The following CACNG2 variants were observed in gnomAD, a reference collection of about 807,000 sequenced individuals.
The protein encoded by CACNG2 is voltage-dependent calcium channel gamma-2 subunit.
Under a neutral mutation model 25.9 loss-of-function variants are expected in CACNG2, and 3 were observed. That is an observed-to-expected ratio of 0.12 (90% CI 0.05 to 0.30). The LOEUF (loss-of-function observed/expected upper bound fraction) is 0.30. Among genes scored for constraint, CACNG2 ranks in the 10% least tolerant of loss-of-function variants. CACNG2 has a pLI of 1.00. For missense variants in CACNG2, 341 were observed against 432.5 expected, an observed-to-expected ratio of 0.79 and a Z score of 1.88; for synonymous variants, 167 against 173.3, an observed-to-expected ratio of 0.96 and a Z score of 0.29.
chr22:36,639,136 G>A (rs117676432), intron 1 of CACNG2, among the ~76,000 whole-genome samples: 14 of 152,280 alleles, frequency 9.2e-5, no homozygotes, highest in East Asian at 1.9e-4. Flanking sequence ...GTGTGACCTC[G>A]GGAAAGTCAC....
At position 36,676,803 on chromosome 22, in the gene CACNG2, G is replaced by A. The variant is rs547635941; in HGVS notation, c.211+25563C>T. On this transcript the variant is annotated intron_variant, in intron 1 of 3. Coordinates refer to ENST00000300105, the MANE Select transcript of CACNG2 (RefSeq NM_006078.5). ...ATTCTCTGCCTCCATATCCGGTGCT[G>A]TTCCCTCTACCCCACTGCCTGGGAA... Among the ~76,000 whole-genome samples the A allele has an allele frequency of 5.3e-5, 8 of 152,330 alleles. No individual in the cohort carries two copies. In the South Asian group the frequency reaches 1.7e-3, roughly 32 times the overall value.
intron 1 of CACNG2, among the ~76,000 whole-genome samples, chr22:36,650,188 C>T (rs1046496233): frequency 5.9e-5 from 9 of 152,216 alleles, no homozygotes; most frequent in Admixed American, 1.3e-4. Flanking sequence ...AGTTAGGTCA[C>T]TTCTCTGCTC....
chr22:36,651,061 A>G (rs1252450319), intron 1 of CACNG2, among the ~76,000 whole-genome samples: 1 of 151,940 alleles, frequency 6.6e-6, no homozygotes, highest in Non-Finnish European at 1.5e-5. Context: ...CACTTTCCTG[A>G]TGTCTTTTTC....
chr22:36,667,465 C>T (rs980326543), intron 1 of CACNG2, among the ~76,000 whole-genome samples: 2 of 152,226 alleles, frequency 1.3e-5, no homozygotes, highest in Non-Finnish European at 2.9e-5. Flanking sequence ...GACCACCCCC[C>T]ACTCCAGGCC....
chr22:36,644,248 G>A (rs916535793), intron 1 of CACNG2, among the ~76,000 whole-genome samples: 2 of 152,146 alleles, frequency 1.3e-5, no homozygotes, highest in Non-Finnish European at 2.9e-5. Flanking sequence ...GCTAAAACTG[G>A]CCTGAAAATC....
chr22:36,609,954 C>T (rs771471755), intron 1 of CACNG2, among the ~76,000 whole-genome samples: 43 of 150,638 alleles, frequency 2.9e-4, no homozygotes, highest in Non-Finnish European at 5.6e-4. Context: ...CAGGAATCAG[C>T]CCCCCAGAGC....
At chr22:36,579,868 A>G (rs1935384086) in intron 2 of CACNG2, among the ~76,000 whole-genome samples, 1 of 152,086 alleles carries the variant, frequency 6.6e-6, no homozygotes, top group Non-Finnish European at 1.5e-5. Flanking sequence ...TGCCACAAGG[A>G]CTTTCTGACC....
chr22:36,573,178 A>G lies in CACNG2; in HGVS notation c.296-6685T>C, dbSNP rs554768655. ...CACAAACTCGTTAGTTCTCATTACA[A>G]CTCTGTGAAGTAAGTACTTCATATT... On this transcript the variant is annotated intron_variant, in intron 2 of 3. Coordinates refer to ENST00000300105, the MANE Select transcript of CACNG2 (RefSeq NM_006078.5). 4.6e-5 allele frequency among the ~76,000 whole-genome samples: 7 copies of G among 151,908 alleles called. No homozygotes were observed. The South Asian group carries it at 1.5e-3, about 32-fold the overall frequency.
intron 1 of CACNG2, among the ~76,000 whole-genome samples, chr22:36,609,882 G>A (rs1264042343): frequency 6.8e-6 from 1 of 147,126 alleles, no homozygotes; most frequent in African/African-American, 2.5e-5. Context: ...AACCATGACA[G>A]GGAGGAATCA....
chr22:36,621,501 C>G (rs1213472667), intron 1 of CACNG2, among the ~76,000 whole-genome samples: 2 of 150,798 alleles, frequency 1.3e-5, no homozygotes, highest in Admixed American at 6.6e-5. Context: ...ACCCAGGAGG[C>G]AGAGATTGCA....
Position 36,564,105 on chromosome 22 carries a change from C to A in CACNG2, c.*246G>T. 1 of 366,196 alleles carries A rather than the reference C, an allele frequency of 2.7e-6. No individual in the cohort carries two copies. 22.7% of individuals were successfully genotyped at this position (366,196 alleles called of 1,614,324 possible). A position where few individuals can be genotyped will look rare whatever the true frequency, so the allele number is the denominator to read the frequency against. Reference sequence around the variant, plus strand: ...GTTTTCTTCCCTCGTTTATATTTTCCCACATTTCCTGTTGTTTTGCTTCTT... The same window carrying A: ...GTTTTCTTCCCTCGTTTATATTTTCACACATTTCCTGTTGTTTTGCTTCTT... On this transcript the variant is annotated 3_prime_UTR_variant, in exon 4 of 4. Transcript: ENST00000300105. The surrounding 1 kb of genome is among the most constrained non-coding windows in gnomAD (Gnocchi z 6.7).
In CACNG2 at chr22:36,579,910, G is replaced by A. The variant is rs571920955; in HGVS notation, c.295+7555C>T. Among the ~76,000 whole-genome samples the A allele has an allele frequency of 8.9e-4, 135 of 152,298 alleles. 1 individual carries two copies. Among genetic ancestry groups the A allele is most frequent in the African/African-American group, 2.8e-3 (118 of 41,562 alleles). ...TTGCAAACTGAAGCCCTCCCCGGGC[G>A]CCCATCTCTCCTCCCTGTTTCCTCT... On this transcript the variant is annotated intron_variant, in intron 2 of 3. Coordinates refer to ENST00000300105, the MANE Select transcript of CACNG2 (RefSeq NM_006078.5).
chr22:36,687,928 C>G (rs949666219), intron 1 of CACNG2, among the ~76,000 whole-genome samples: 1 of 152,184 alleles, frequency 6.6e-6, no homozygotes, highest in African/African-American at 2.4e-5. Flanking sequence ...CTGCCCACAC[C>G]TTGGTTCTAG....
intron 1 of CACNG2, among the ~76,000 whole-genome samples, chr22:36,675,124 C>A (rs1225507143): frequency 2.6e-5 from 4 of 152,140 alleles, no homozygotes; most frequent in Non-Finnish European, 5.9e-5. Flanking sequence ...GCAACCTCAA[C>A]CTCTCAGGCT....
chr22:36,653,699 G>T (rs544360612), intron 1 of CACNG2, among the ~76,000 whole-genome samples: 43 of 152,236 alleles, frequency 2.8e-4, no homozygotes, highest in African/African-American at 1.0e-3. Context: ...GACATGGAAG[G>T]CTCTGGAATC....
intron 1 of CACNG2, among the ~76,000 whole-genome samples, chr22:36,625,066 T>A (rs972506414): frequency 2.2e-5 from 3 of 138,592 alleles, no homozygotes; most frequent in African/African-American, 5.3e-5. Flanking sequence ...ATCCTTGGGG[T>A]CCCTTCCAGA....
chr22:36,604,548 T>C lies in CACNG2; in HGVS notation c.212-17000A>G, dbSNP rs554596276. Among the ~76,000 whole-genome samples the C allele has an allele frequency of 3.9e-5, 6 of 152,308 alleles. No individual in the cohort carries two copies. The South Asian group carries it at 1.0e-3, about 26-fold the overall frequency. On this transcript the variant is annotated intron_variant, in intron 1 of 3. Transcript: ENST00000300105. ...GATGTGGCAAACTACATTGTTGTCTTAGTTTAAGAAATTGGCACAACCACC... is the reference window on the plus strand; with the variant it reads ...GATGTGGCAAACTACATTGTTGTCTCAGTTTAAGAAATTGGCACAACCACC...
At chr22:36,634,634 G>A (rs1177215542) in intron 1 of CACNG2, among the ~76,000 whole-genome samples, 1 of 152,160 alleles carries the variant, frequency 6.6e-6, no homozygotes, top group Non-Finnish European at 1.5e-5. Flanking sequence ...GGACAGGTCT[G>A]GTATATAGCA....
At chr22:36,687,764 G>A (rs965328757) in intron 1 of CACNG2, among the ~76,000 whole-genome samples, 2 of 152,078 alleles carry the variant, frequency 1.3e-5, no homozygotes, top group Non-Finnish European at 2.9e-5. Flanking sequence ...AGGTGTGAGG[G>A]GGGAAGCAGG....
Sources: gnomAD v4.1 joint callset for allele counts (sites outside exome capture counted in the v4.1 genomes callset) on GRCh38, gnomAD v4.1.1 for gene constraint, Gnocchi (gnomAD v3.1) non-coding constraint, MANE v1.5 for transcripts, NCBI Gene and HGNC (gene_info 2026-07-23, HGNC 2026-07-21) for gene names.